Variants in RARS2 observed in about 807,000 individuals in gnomAD.
The protein encoded by RARS2 is arginyl-tRNA synthetase 2, mitochondrial, also known as probable arginine--tRNA ligase, mitochondrial.
A neutral mutation model predicts 88.5 loss-of-function variants in RARS2; 67 were observed. The observed-to-expected ratio is 0.76, with a 90% confidence interval of 0.62 to 0.93. The LOEUF is 0.93. Among genes scored for constraint, RARS2 ranks in the 40% least tolerant of loss-of-function variants. The pLI is 0.00. For synonymous variants in RARS2, 239 were observed against 230.3 expected (o/e 1.04, Z -0.34); for missense variants, 664 against 684.2 (o/e 0.97, Z 0.33).
chr6:87,533,547 G>A (rs1778235912), intron 8 of RARS2, among the ~76,000 whole-genome samples: 1 of 152,096 alleles, frequency 6.6e-6, no homozygotes, highest in Non-Finnish European at 1.5e-5. Context: ...TTCATAATAA[G>A]GCAGCATGGC....
intron 10 of RARS2, among the ~76,000 whole-genome samples, chr6:87,526,515 T>TAA (rs59113552): frequency 2.0e-4 from 29 of 146,888 alleles, no homozygotes; most frequent in Admixed American, 3.4e-4. Context: ...GACCCTGTCT[T>TAA]AAAAAAAAAA....
At chr6:87,522,103 G>A (rs1052948350) in intron 11 of RARS2, among the ~76,000 whole-genome samples, 8 of 152,108 alleles carry the variant, frequency 5.3e-5, no homozygotes, top group African/African-American at 7.2e-5. Context: ...AGGCTAAGGC[G>A]GGAGGTTCAC....
intron 10 of RARS2, among the ~76,000 whole-genome samples, chr6:87,527,935 T>A (rs1397939343): frequency 6.6e-6 from 1 of 151,582 alleles, no homozygotes; most frequent in African/African-American, 2.4e-5. Flanking sequence ...CGGGAGAGCA[T>A]CAGGAAAAAT....
intron 5 of RARS2, among the ~76,000 whole-genome samples, chr6:87,551,129 C>T (rs750337478): frequency 6.6e-6 from 1 of 152,136 alleles, no homozygotes; most frequent in African/African-American, 2.4e-5. Flanking sequence ...CAAGTTTTGA[C>T]AAAATGTCCC....
intron 4 of RARS2, among the ~76,000 whole-genome samples, 164 bp downstream of exon 4, chr6:87,562,538 T>C (rs1788157310): frequency 6.6e-6 from 1 of 152,108 alleles, no homozygotes; most frequent in African/African-American, 2.4e-5. Flanking sequence ...ATTTAAAGGA[T>C]GAGTAGGTGT....
chr6:87,558,255 C>A (rs951483441), intron 4 of RARS2, among the ~76,000 whole-genome samples: 7 of 152,120 alleles, frequency 4.6e-5, no homozygotes, highest in African/African-American at 1.7e-4. Context: ...GCTTTTCAGG[C>A]ATTTCACAGA....
intron 1 of RARS2, among the ~76,000 whole-genome samples, chr6:87,574,687 G>A (rs1457744756): frequency 6.6e-6 from 1 of 152,096 alleles, no homozygotes; most frequent in Non-Finnish European, 1.5e-5. Flanking sequence ...CAATGAATAC[G>A]AAGAACATTA....
At chr6:87,518,780 T>C (rs751992245) in intron 15 of RARS2, 41 bp from the exon 16 acceptor site, 1 of 1,612,440 alleles carries the variant, frequency 6.2e-7, no homozygotes, top group Non-Finnish European at 8.5e-7. Flanking sequence ...GGATTTGCTC[T>C]AGTACCAAAC....
At chr6:87,532,861 C>T (rs929014978) in intron 8 of RARS2, among the ~76,000 whole-genome samples, 6 of 152,118 alleles carry the variant, frequency 3.9e-5, no homozygotes, top group Admixed American at 3.3e-4. Context: ...ACAAAGAAGA[C>T]TTTGGTAAAG....
At chr6:87,539,878 T>C (rs532054198) in intron 8 of RARS2, among the ~76,000 whole-genome samples, 143 of 152,288 alleles carry the variant, frequency 9.4e-4, no homozygotes, top group Non-Finnish European at 1.7e-3. Flanking sequence ...ATAACATCTG[T>C]GGGCCTGGAT....
intron 4 of RARS2, among the ~76,000 whole-genome samples, chr6:87,559,645 C>A (rs180925660): frequency 2.6e-5 from 4 of 152,176 alleles, no homozygotes; most frequent in East Asian, 3.9e-4. Flanking sequence ...GCGTGAGCCA[C>A]CATGTCCAGG....
At chr6:87,572,286 T>C (rs1249575579) in intron 1 of RARS2, among the ~76,000 whole-genome samples, 2 of 152,218 alleles carry the variant, frequency 1.3e-5, no homozygotes, top group Non-Finnish European at 2.9e-5. Flanking sequence ...AATAAACATG[T>C]AATAAATATT....
At chr6:87,589,837 T>A in intron 1 of RARS2, 85 bp downstream of exon 1, 2 of 1,613,732 alleles carry the variant, frequency 1.2e-6, no homozygotes, top group Admixed American at 1.7e-5. Flanking sequence ...ACCCTCCAGC[T>A]GACTGAGGAC....
rs933656847 is a variant in RARS2 at position 87,514,406 on chromosome 6, A to G, written c.*7T>C. On this transcript the variant is annotated 3_prime_UTR_variant, in exon 20 of 20. Transcript: ENST00000369536. ...ACTTGACATTTTAAAAGCCATTTTA[A>G]TGGAAATTACATCCTACATACAGGT... 5.1e-6 allele frequency: 8 copies of G among 1,579,488 alleles called. No individual in the cohort carries two copies. The African/African-American group carries it at 8.1e-5, about 16-fold the overall frequency.
At position 87,514,446 on chromosome 6, in the gene RARS2, T is replaced by C. The variant is rs8802; in HGVS notation, c.1704A>G (p.Lys568=). 164,734 of 1,611,220 alleles carry C rather than the reference T, an allele frequency of 0.1. 8,960 individuals are homozygous for C. Among genetic ancestry groups the C allele is most frequent in the African/African-American group, 0.16 (12,082 of 74,896 alleles). ...AVRSVLANGM[K]LLGITPVCRM ...TACATACAGGTGTTATTCCAAGAAG[T>C]TTCATTCCATTGGCTAGGACAGAAC... is the stretch of plus-strand genomic sequence containing the variant. Residue 568 remains lysine (K), a synonymous_variant, in exon 20 of 20, where the codon AAA becomes AAG. Transcript: ENST00000369536.
At chr6:87,564,534 T>G in intron 2 of RARS2, 1 of 384,332 alleles carries the variant, frequency 2.6e-6, no homozygotes, top group East Asian at 6.4e-5. Context: ...CCAGGCATGG[T>G]GGTGTGTACC....
At chr6:87,522,146 A>G (rs886889099) in intron 11 of RARS2, among the ~76,000 whole-genome samples, 1 of 152,192 alleles carries the variant, frequency 6.6e-6, no homozygotes, top group African/African-American at 2.4e-5. Context: ...CCTGACCAAC[A>G]TGGTGAAACC....
chr6:87,582,068 C>T (rs556216984), intron 1 of RARS2, among the ~76,000 whole-genome samples: 298 of 152,194 alleles, frequency 2.0e-3, no homozygotes, highest in African/African-American at 6.9e-3. Flanking sequence ...AGTGAACATC[C>T]ACATGCATGT....
intron 10 of RARS2, among the ~76,000 whole-genome samples, chr6:87,529,102 C>T (rs1255394688): frequency 6.6e-6 from 1 of 152,118 alleles, no homozygotes; most frequent in Non-Finnish European, 1.5e-5. Context: ...ACTTTTCCTG[C>T]CCCTACTTCC....
Sources: allele counts gnomAD v4.1 joint callset (sites outside exome capture counted in the v4.1 genomes callset), GRCh38; gene constraint gnomAD v4.1.1; transcripts MANE v1.5; gene names NCBI Gene and HGNC (gene_info 2026-07-23, HGNC 2026-07-21).